Variants in ADAMTSL3 observed in about 807,000 individuals in gnomAD.
ADAMTSL3 encodes the protein ADAMTS-like protein 3.
A neutral mutation model predicts 201.7 loss-of-function variants in ADAMTSL3; 128 were observed. That is an observed-to-expected ratio of 0.63 (90% CI 0.55 to 0.73). The LOEUF (loss-of-function observed/expected upper bound fraction) is 0.73, where lower values mean the gene tolerates loss of function less well. ADAMTSL3 is among the 30% of genes least tolerant of loss of function. ADAMTSL3 has a pLI of 0.00. For missense variants in ADAMTSL3, 1,990 were observed against 2,119.6 expected (o/e 0.94, Z 1.20); for synonymous variants, 738 against 748.4 (o/e 0.99, Z 0.23).
intron 19 of ADAMTSL3, chr15:83,961,521 C>G (rs956804641): frequency 6.6e-6 from 1 of 152,146 alleles, no homozygotes; most frequent in African/African-American, 2.4e-5. Flanking sequence ...AAAGCAAAAC[C>G]CCCTTTGAAC....
At chr15:83,887,249 T>C (rs1194391430) in intron 10 of ADAMTSL3, among the ~76,000 whole-genome samples, 1 of 152,194 alleles carries the variant, frequency 6.6e-6, no homozygotes, top group African/African-American at 2.4e-5. Flanking sequence ...CCATCACTAT[T>C]TTTGCCATAT....
intron 3 of ADAMTSL3, among the ~76,000 whole-genome samples, chr15:83,769,610 T>C (rs2062945960): frequency 6.6e-6 from 1 of 152,158 alleles, no homozygotes; most frequent in Admixed American, 6.5e-5. Flanking sequence ...ATATTGCCTC[T>C]AGCAGGACTG....
chr15:83,731,848 T>C (rs2062279782), intron 3 of ADAMTSL3, among the ~76,000 whole-genome samples: 1 of 151,954 alleles, frequency 6.6e-6, no homozygotes, highest in Non-Finnish European at 1.5e-5. Context: ...GAAATAAAAA[T>C]ACTGCATGAT....
chr15:83,795,666 A>T (rs563812383), intron 4 of ADAMTSL3, among the ~76,000 whole-genome samples: 2 of 152,346 alleles, frequency 1.3e-5, no homozygotes, highest in South Asian at 4.1e-4. Context: ...CTGTTCTCTC[A>T]AAATTTGGAA....
At chr15:83,699,214 G>A (rs748143639) in intron 2 of ADAMTSL3, among the ~76,000 whole-genome samples, 1 of 151,972 alleles carries the variant, frequency 6.6e-6, no homozygotes, top group Non-Finnish European at 1.5e-5. Flanking sequence ...ATATTGAATG[G>A]CAAACTCAAG....
chr15:83,667,030 G>C (rs1275510641), intron 2 of ADAMTSL3, among the ~76,000 whole-genome samples: 1 of 151,530 alleles, frequency 6.6e-6, no homozygotes, highest in Non-Finnish European at 1.5e-5. Context: ...TTATGTTTTG[G>C]ATATACTGCC....
intron 10 of ADAMTSL3, among the ~76,000 whole-genome samples, chr15:83,887,254 C>A (rs965805093): frequency 6.6e-6 from 1 of 152,108 alleles, no homozygotes; most frequent in African/African-American, 2.4e-5. Context: ...ACTATTTTTG[C>A]CATATCTGTG....
intron 4 of ADAMTSL3, among the ~76,000 whole-genome samples, chr15:83,798,238 C>T (rs1334234221): frequency 1.3e-5 from 2 of 152,238 alleles, no homozygotes; most frequent in South Asian, 4.2e-4. Context: ...CTACACAAAC[C>T]TTAGCCTACA....
chr15:83,862,247 C>G (rs1012310851), intron 8 of ADAMTSL3: 22 of 152,262 alleles, frequency 1.4e-4, no homozygotes, highest in Middle Eastern at 3.4e-3. Context: ...GGCCAACATT[C>G]AAATTCAGGA....
chr15:84,024,206 A>G (rs2068259468), intron 26 of ADAMTSL3, among the ~76,000 whole-genome samples: 1 of 152,196 alleles, frequency 6.6e-6, no homozygotes, highest in South Asian at 2.1e-4. Context: ...GAGTGAGCCG[A>G]GGTTGCGCCA....
intron 4 of ADAMTSL3, among the ~76,000 whole-genome samples, chr15:83,774,424 GT>G (rs900617208): frequency 1.3e-5 from 2 of 152,218 alleles, no homozygotes; most frequent in African/African-American, 4.8e-5. Flanking sequence ...TTTTGTTGAG[GT>G]CACTGTTCTA....
At chr15:83,870,357 C>T (rs1442656088) in intron 8 of ADAMTSL3, among the ~76,000 whole-genome samples, 1 of 152,138 alleles carries the variant, frequency 6.6e-6, no homozygotes, top group Non-Finnish European at 1.5e-5. Context: ...TTGCAACTTC[C>T]TGTTAATCTG....
At chr15:83,841,801 C>G (rs976046410) in intron 7 of ADAMTSL3, among the ~76,000 whole-genome samples, 1 of 151,884 alleles carries the variant, frequency 6.6e-6, no homozygotes, top group African/African-American at 2.4e-5. Flanking sequence ...CAAGGCCACT[C>G]TGGCCTGCCA....
intron 15 of ADAMTSL3, among the ~76,000 whole-genome samples, chr15:83,904,046 A>G (rs2065788250): frequency 6.6e-6 from 1 of 151,584 alleles, no homozygotes; most frequent in South Asian, 2.1e-4. Context: ...TGACTTTGCT[A>G]GGGGTTTCTT....
intron 23 of ADAMTSL3, among the ~76,000 whole-genome samples, chr15:83,996,285 T>C (rs1173007869): frequency 6.6e-6 from 1 of 152,192 alleles, no homozygotes; most frequent in African/African-American, 2.4e-5. Flanking sequence ...AGGGTGAACT[T>C]TTTGGTTTAT....
chr15:84,031,543 GAC>G, intron 28 of ADAMTSL3, 111 bp downstream of exon 28: 2 of 936,302 alleles, frequency 2.1e-6, no homozygotes, highest in South Asian at 3.0e-5. Flanking sequence ...TCTCATAATT[GAC>G]AGTTTTCAAT....
At chr15:83,703,411 C>A (rs911481258) in intron 2 of ADAMTSL3, among the ~76,000 whole-genome samples, 5 of 152,232 alleles carry the variant, frequency 3.3e-5, no homozygotes, top group South Asian at 4.2e-4. Context: ...TATGGTTTGG[C>A]TCTGTGTCCC....
chr15:83,911,807 G>A (rs2065940430), intron 15 of ADAMTSL3, among the ~76,000 whole-genome samples: 1 of 152,190 alleles, frequency 6.6e-6, no homozygotes, highest in Admixed American at 6.5e-5. Flanking sequence ...TCTGAGGTTA[G>A]AAATATTAAG....
intron 2 of ADAMTSL3, among the ~76,000 whole-genome samples, chr15:83,699,731 A>G (rs1303596721): frequency 1.3e-5 from 2 of 151,998 alleles, no homozygotes; most frequent in Admixed American, 6.6e-5. Flanking sequence ...CTTCCAATTC[A>G]CTGACTTCCT....
Sources: gnomAD v4.1 joint callset for allele counts (sites outside exome capture counted in the v4.1 genomes callset) on GRCh38, gnomAD v4.1.1 for gene constraint, MANE v1.5 for transcripts, NCBI Gene and HGNC (gene_info 2026-07-23, HGNC 2026-07-21) for gene names.